The following PUDP variants were observed in gnomAD, a reference collection of about 807,000 sequenced individuals.
PUDP encodes the protein pseudouridine-5'-phosphatase.
Under a neutral mutation model 9.4 loss-of-function variants are expected in PUDP, and 8 were observed. That is an observed-to-expected ratio of 0.85 (90% CI 0.50 to 1.53). PUDP has a LOEUF of 1.53. Ranked by LOEUF, PUDP falls within the 40% of genes most tolerant of loss-of-function variation. The pLI is 0.00. For synonymous variants in PUDP, 99 were observed against 80.7 expected (o/e 1.23, Z -1.22); for missense variants, 188 against 189.7 (o/e 0.99, Z 0.05).
chrX:6,902,849 C>G (rs1190254085), intron 3 of PUDP, among the ~76,000 whole-genome samples: 2 of 111,473 alleles, frequency 1.8e-5, no homozygotes, highest in Non-Finnish European at 3.8e-5. Context: ...TAGGGAGTGT[C>G]TGCTGGAGAG....
At chrX:6,916,147 G>A (rs904524787) in intron 3 of PUDP, among the ~76,000 whole-genome samples, 2 of 104,486 alleles carry the variant, frequency 1.9e-5, no homozygotes, top group Admixed American at 1.1e-4. Flanking sequence ...TCTCCTTCAT[G>A]TCAATGCATT....
downstream of PUDP, among the ~76,000 whole-genome samples, chrX:7,045,633 C>G (rs981317887): frequency 9.9e-5 from 11 of 111,663 alleles, no homozygotes; most frequent in African/African-American, 3.6e-4. Context: ...GGAAGTGACC[C>G]TAAGAGATGA....
intron 3 of PUDP, among the ~76,000 whole-genome samples, chrX:6,779,613 G>A (rs1167684029): frequency 8.9e-6 from 1 of 111,735 alleles, no homozygotes; most frequent in Non-Finnish European, 1.9e-5. Context: ...GCAGCTTAAG[G>A]CATGACCATG....
chrX:6,740,027 C>A (rs1448653456), intron 3 of PUDP, among the ~76,000 whole-genome samples: 2 of 111,349 alleles, frequency 1.8e-5, no homozygotes, highest in East Asian at 2.8e-4. Flanking sequence ...ATCATAGACA[C>A]CTTTAGCAGG....
chrX:6,779,471 T>C (rs772791022), intron 3 of PUDP, among the ~76,000 whole-genome samples: 4 of 111,936 alleles, frequency 3.6e-5, no homozygotes, highest in Non-Finnish European at 7.5e-5. Context: ...TGTGCTTGCG[T>C]TGACTCACTT....
At chrX:6,935,951 G>A (rs1245029312) in intron 3 of PUDP, among the ~76,000 whole-genome samples, 3 of 102,640 alleles carry the variant, frequency 2.9e-5, no homozygotes, top group African/African-American at 1.1e-4. Flanking sequence ...TTGAATCTCT[G>A]AATAGACCAA....
intron 1 of PUDP, among the ~76,000 whole-genome samples, chrX:7,125,022 AAAAAAAAACAT>A (rs1203471342): frequency 2.0e-4 from 4 of 19,759 alleles, no homozygotes; most frequent in Non-Finnish European, 3.4e-4. Context: ...CAAACATATT[AAAAAAAAACAT>A]AAAAAAAACA....
At chrX:7,050,590 G>C in intron 3 of PUDP, 118 bp from the exon 4 acceptor site, 1 of 647,680 alleles carries the variant, frequency 1.5e-6, no homozygotes, top group South Asian at 3.0e-5. Context: ...CAGAATTACA[G>C]TGGGGGCTCC....
chrX:6,889,874 C>T (rs1051600929), intron 3 of PUDP, among the ~76,000 whole-genome samples: 2 of 111,104 alleles, frequency 1.8e-5, no homozygotes, highest in African/African-American at 3.3e-5. Flanking sequence ...GTCATCCTCA[C>T]GGGCTGTGAG....
intron 3 of PUDP, among the ~76,000 whole-genome samples, chrX:7,055,486 C>A (rs1480506000): frequency 9.0e-6 from 1 of 111,060 alleles, no homozygotes; most frequent in Non-Finnish European, 1.9e-5. Context: ...GAACTCTTGA[C>A]CTCAACTGAT....
At chrX:6,830,682 G>T (rs2146712571) in intron 3 of PUDP, among the ~76,000 whole-genome samples, 1 of 112,154 alleles carries the variant, frequency 8.9e-6, no homozygotes, top group South Asian at 3.7e-4. Flanking sequence ...AAGCCTAGGG[G>T]TTACTACTGT....
chrX:6,910,255 T>C (rs1273838172), intron 3 of PUDP, among the ~76,000 whole-genome samples: 1 of 112,125 alleles, frequency 8.9e-6, no homozygotes, highest in Non-Finnish European at 1.9e-5. Flanking sequence ...ATTAATGCAC[T>C]GCAGAGAGAA....
At chrX:6,890,660 A>G (rs1300657281) in intron 3 of PUDP, among the ~76,000 whole-genome samples, 3 of 110,788 alleles carry the variant, frequency 2.7e-5, no homozygotes, top group Non-Finnish European at 5.7e-5. Flanking sequence ...AGTGCTGTCT[A>G]GAGTTCCCAT....
intron 1 of PUDP, among the ~76,000 whole-genome samples, chrX:7,134,105 G>A (rs183678814): frequency 8.9e-6 from 1 of 112,218 alleles, no homozygotes; most frequent in Non-Finnish European, 1.9e-5. Context: ...GGACACAGAG[G>A]ATGGGTAATT....
chrX:6,867,739 A>C (rs1358197765), intron 3 of PUDP, among the ~76,000 whole-genome samples: 1 of 111,438 alleles, frequency 9.0e-6, no homozygotes, highest in African/African-American at 3.3e-5. Flanking sequence ...TGGTGGTCTT[A>C]GTCCATTTTG....
At chrX:6,930,235 C>T (rs954900941) in intron 3 of PUDP, among the ~76,000 whole-genome samples, 43 of 110,710 alleles carry the variant, frequency 3.9e-4, no homozygotes, top group African/African-American at 1.4e-3. Context: ...TGCTGGGCTG[C>T]ACTCCCAGGA....
intron 2 of PUDP, among the ~76,000 whole-genome samples, chrX:7,086,381 T>C (rs1931263835): frequency 8.9e-6 from 1 of 112,560 alleles, no homozygotes; most frequent in South Asian, 3.6e-4. Context: ...TATTAACTAA[T>C]TTAGGAAATC....
At chrX:6,793,736 C>G (rs937937298) in intron 3 of PUDP, among the ~76,000 whole-genome samples, 23 of 111,000 alleles carry the variant, frequency 2.1e-4, no homozygotes, top group African/African-American at 6.5e-4. Flanking sequence ...ATGGCTAATG[C>G]CTGTTCAGAC....
chrX:6,716,263 C>T (rs1924599037), intron 1 of PUDP, among the ~76,000 whole-genome samples: 1 of 111,784 alleles, frequency 8.9e-6, no homozygotes, highest in South Asian at 3.8e-4. Context: ...GGTAAATCAT[C>T]ATCTTACTTG....
Sources: gnomAD v4.1 joint callset for allele counts (sites outside exome capture counted in the v4.1 genomes callset) on GRCh38, gnomAD v4.1.1 for gene constraint, MANE v1.5 for transcripts, NCBI Gene and HGNC (gene_info 2026-07-23, HGNC 2026-07-21) for gene names.